Variants in LUZP2 observed in about 807,000 individuals in gnomAD.
LUZP2 encodes leucine zipper protein 2.
Under a neutral mutation model 51.6 loss-of-function variants are expected in LUZP2, and 52 were observed. That is an observed-to-expected ratio of 1.01 (90% CI 0.81 to 1.27). The LOEUF (loss-of-function observed/expected upper bound fraction) is 1.27. LUZP2 is among the 50% of genes most tolerant of loss of function. The pLI is 0.00. For missense variants in LUZP2, 436 were observed against 395.4 expected, an observed-to-expected ratio of 1.10 and a Z score of -0.87; for synonymous variants, 154 against 137.3, an observed-to-expected ratio of 1.12 and a Z score of -0.85.
At chr11:24,589,123 A>T (rs1056636109) in intron 1 of LUZP2, among the ~76,000 whole-genome samples, 7 of 152,150 alleles carry the variant, frequency 4.6e-5, no homozygotes, top group African/African-American at 1.7e-4. Flanking sequence ...TGGCTATTGG[A>T]CATCCCCTCT....
chr11:24,752,822 G>T (rs544680012), intron 4 of LUZP2, among the ~76,000 whole-genome samples: 1 of 151,970 alleles, frequency 6.6e-6, no homozygotes, highest in South Asian at 2.1e-4. Context: ...TAGAAATCAT[G>T]AGAAATTAAA....
chr11:24,717,400 A>G (rs1247965805), intron 1 of LUZP2, among the ~76,000 whole-genome samples: 2 of 150,344 alleles, frequency 1.3e-5, no homozygotes. Context: ...CAGGTATTAG[A>G]ACCCAATAGT....
intron 1 of LUZP2, among the ~76,000 whole-genome samples, chr11:24,602,206 G>A (rs937374285): frequency 4.1e-4 from 28 of 67,656 alleles, no homozygotes; most frequent in African/African-American, 7.9e-4. Context: ...GTACATATAT[G>A]TGTATATATG....
At chr11:24,643,254 C>CAAAAAAA (rs570616833) in intron 1 of LUZP2, among the ~76,000 whole-genome samples, 2 of 75,724 alleles carry the variant, frequency 2.6e-5, no homozygotes, top group South Asian at 4.3e-4. Flanking sequence ...ACTAAAAGTA[C>CAAAAAAA]AAAAAAAAAA....
At chr11:24,523,230 C>T (rs748504615) in intron 1 of LUZP2, among the ~76,000 whole-genome samples, 2 of 151,754 alleles carry the variant, frequency 1.3e-5, no homozygotes, top group Non-Finnish European at 2.9e-5. Flanking sequence ...TCTTTATATA[C>T]GATGCTTAAT....
At chr11:25,076,386 C>T (rs1047728888) in intron 10 of LUZP2, among the ~76,000 whole-genome samples, 1 of 151,966 alleles carries the variant, frequency 6.6e-6, no homozygotes, top group African/African-American at 2.4e-5. Flanking sequence ...CTGCCTTGCA[C>T]GTGGAAAAGA....
chr11:25,071,713 A>C (rs1220443628), intron 10 of LUZP2, among the ~76,000 whole-genome samples: 1 of 151,706 alleles, frequency 6.6e-6, no homozygotes, highest in Non-Finnish European at 1.5e-5. Context: ...AGATATACCT[A>C]ATGTAAATGA....
intron 1 of LUZP2, among the ~76,000 whole-genome samples, chr11:24,627,152 T>C (rs556900039): frequency 6.6e-6 from 1 of 152,276 alleles, no homozygotes; most frequent in East Asian, 1.9e-4. Context: ...AGGGAGATGC[T>C]CCTATAGTAC....
At chr11:24,562,506 T>A (rs953657008) in intron 1 of LUZP2, among the ~76,000 whole-genome samples, 18 of 151,782 alleles carry the variant, frequency 1.2e-4, no homozygotes, top group African/African-American at 4.3e-4. Context: ...ATAAGAGAAT[T>A]TCGAGATAGA....
chr11:24,896,616 T>G (rs1168939027), intron 5 of LUZP2, among the ~76,000 whole-genome samples: 2 of 152,082 alleles, frequency 1.3e-5, no homozygotes, highest in Admixed American at 6.5e-5. Context: ...CCAGCCTCCC[T>G]GACAGGCGCT....
chr11:24,795,734 G>T (rs1239160308), intron 5 of LUZP2, among the ~76,000 whole-genome samples: 3 of 152,080 alleles, frequency 2.0e-5, no homozygotes, highest in Non-Finnish European at 4.4e-5. Flanking sequence ...TTAGTCTTGA[G>T]ATCAGAGAGC....
At chr11:25,030,354 G>A (rs1857608728) in intron 9 of LUZP2, among the ~76,000 whole-genome samples, 1 of 152,038 alleles carries the variant, frequency 6.6e-6, no homozygotes, top group Non-Finnish European at 1.5e-5. Flanking sequence ...TTGATAGAAA[G>A]GATAATTCAG....
intron 5 of LUZP2, among the ~76,000 whole-genome samples, chr11:24,822,398 T>C (rs983772248): frequency 9.9e-5 from 15 of 152,146 alleles, no homozygotes; most frequent in Non-Finnish European, 1.6e-4. Flanking sequence ...TTTGTATATA[T>C]CCTTTTGTGA....
At chr11:24,850,995 A>G (rs1315775516) in intron 5 of LUZP2, among the ~76,000 whole-genome samples, 1 of 152,140 alleles carries the variant, frequency 6.6e-6, no homozygotes, top group African/African-American at 2.4e-5. Context: ...TTGCTTATCA[A>G]CTTAAGGACA....
In LUZP2 at chr11:24,497,071, C is replaced by G. The variant is rs952986637; in HGVS notation, c.-173C>G. The G allele has an allele frequency of 2.1e-6, 1 of 472,590 alleles. No individual in the cohort carries two copies. The highest frequency in any genetic ancestry group is 3.7e-6 in the Non-Finnish European group (1 of 272,076). 29.3% of individuals were successfully genotyped at this position (472,590 alleles called of 1,614,324 possible). On this transcript the variant is annotated 5_prime_UTR_variant, in exon 1 of 12. Transcript: ENST00000336930. ...TGACATCACTCCTGAAGATACTCCT[C>G]GCTCCCAGCGCCTGCCTTCCCCAGG... is the stretch of plus-strand genomic sequence containing the variant.
chr11:24,798,288 GCT>G (rs1298963131), intron 5 of LUZP2, among the ~76,000 whole-genome samples: 1 of 151,744 alleles, frequency 6.6e-6, no homozygotes, highest in Admixed American at 6.6e-5. Context: ...CAAGATCATA[GCT>G]CACTACAGCC....
At chr11:24,708,725 A>C (rs558839860) in intron 1 of LUZP2, among the ~76,000 whole-genome samples, 1 of 152,178 alleles carries the variant, frequency 6.6e-6, no homozygotes, top group South Asian at 2.1e-4. Context: ...ATTTCTGCCA[A>C]GTTGCCAGAC....
intron 3 of LUZP2, among the ~76,000 whole-genome samples, chr11:24,732,644 T>C (rs1858754639): frequency 6.6e-6 from 1 of 151,722 alleles, no homozygotes; most frequent in East Asian, 1.9e-4. Flanking sequence ...ACAATATTAT[T>C]AGTATTGGTT....
intron 5 of LUZP2, among the ~76,000 whole-genome samples, chr11:24,840,647 G>C (rs1207137448): frequency 6.6e-6 from 1 of 151,878 alleles, no homozygotes; most frequent in African/African-American, 2.4e-5. Context: ...TGGGGGCTTA[G>C]GAATTATTTT....
Sources: allele counts gnomAD v4.1 joint callset (sites outside exome capture counted in the v4.1 genomes callset), GRCh38; gene constraint gnomAD v4.1.1; transcripts MANE v1.5; gene names NCBI Gene and HGNC (gene_info 2026-07-23, HGNC 2026-07-21).